The following HEG1 variants were observed in gnomAD, a reference collection of about 807,000 sequenced individuals.
The protein encoded by HEG1 is heart development protein with EGF like domains 1.
In HEG1, 56 loss-of-function variants were observed where a neutral mutation model predicts 125.6. The observed-to-expected ratio is 0.45, with a 90% CI of 0.36 to 0.56. HEG1 has a LOEUF of 0.56. Among genes scored for constraint, HEG1 ranks in the 20% least tolerant of loss-of-function variants. The probability of loss-of-function intolerance (pLI) is 0.00; values close to 1 mark genes in which losing one functional copy is unlikely to be tolerated. For missense variants in HEG1, 1,523 were observed against 1,670.0 expected, an observed-to-expected ratio of 0.91 and a Z score of 1.53; for synonymous variants, 644 against 668.5, an observed-to-expected ratio of 0.96 and a Z score of 0.57.
chr3:124,979,761 G>A (rs1293901016), intron 14 of HEG1, among the ~76,000 whole-genome samples: 5 of 152,098 alleles, frequency 3.3e-5, no homozygotes, highest in Admixed American at 6.6e-5. Flanking sequence ...GTGAAACCCC[G>A]TTTCTACTAA....
chr3:125,038,861 A>C (rs1487588815), intron 1 of HEG1, among the ~76,000 whole-genome samples: 1 of 152,170 alleles, frequency 6.6e-6, no homozygotes, highest in African/African-American at 2.4e-5. Context: ...GGGCCCAATG[A>C]AGTCAGGAGT....
intron 1 of HEG1, among the ~76,000 whole-genome samples, chr3:125,050,501 C>A (rs980797334): frequency 6.6e-6 from 1 of 152,196 alleles, no homozygotes; most frequent in Non-Finnish European, 1.5e-5. Context: ...TAAATCAACT[C>A]CCCCCTTTCC....
intron 4 of HEG1, 50 bp from the exon 5 acceptor site, chr3:125,019,647 T>G: frequency 1.0e-4 from 147 of 1,415,032 alleles, no homozygotes; most frequent in Non-Finnish European, 1.3e-4. Context: ...ATGAAAGAGA[T>G]CCCTTGGCAA....
intron 1 of HEG1, among the ~76,000 whole-genome samples, chr3:125,034,025 AG>A (rs1465000668): frequency 4.6e-5 from 7 of 151,848 alleles, no homozygotes; most frequent in Admixed American, 1.3e-4. Flanking sequence ...GGTGCCAAAA[AG>A]GTTGGGGACC....
At chr3:125,041,253 C>A (rs562244001) in intron 1 of HEG1, among the ~76,000 whole-genome samples, 45 of 152,306 alleles carry the variant, frequency 3.0e-4, no homozygotes, top group African/African-American at 1.0e-3. Context: ...TCTCTGGTGC[C>A]CCCATCCCTC....
rs748177137 is a variant in HEG1, at chr3:125,013,157, C to T, written c.2422G>A (p.Ala808Thr). 3.7e-5 allele frequency: 60 copies of T among 1,613,988 alleles called. No homozygotes were observed. In the South Asian group the frequency reaches 6.3e-4, roughly 17 times the overall value. ...LVSLPTESTKAVTTNSPLPPS... is the reference protein window; with the variant it reads ...LVSLPTESTKTVTTNSPLPPS... Reference sequence around the variant, plus strand: ...GGCAAAGGAGAGTTTGTTGTTACAGCTTTGGTGGACTCTGTGGGCAGAGAC... The same window carrying T: ...GGCAAAGGAGAGTTTGTTGTTACAGTTTTGGTGGACTCTGTGGGCAGAGAC... The change falls in exon 6 of 17, where the codon GCT (alanine) becomes ACT (threonine). Residue 808 changes from alanine to threonine, a missense_variant. Transcript: ENST00000311127.
chr3:125,007,861 G>A (rs4346591), intron 8 of HEG1, among the ~76,000 whole-genome samples: 35,967 of 151,908 alleles, frequency 0.24, 4,364 homozygotes, highest in East Asian at 0.35. Flanking sequence ...ATCTTAGTGC[G>A]TGGCTAAATA....
At chr3:124,975,482 C>T (rs1243609020) in intron 15 of HEG1, among the ~76,000 whole-genome samples, 28 of 152,292 alleles carry the variant, frequency 1.8e-4, no homozygotes, top group South Asian at 1.5e-3. Flanking sequence ...TTCTCTACTG[C>T]AAAAATATTT....
chr3:124,982,333 T>A (rs530613308), intron 14 of HEG1, among the ~76,000 whole-genome samples: 65 of 152,368 alleles, frequency 4.3e-4, no homozygotes, highest in African/African-American at 1.5e-3. Context: ...GATTTTAGAT[T>A]TATGATGACG....
chr3:125,008,433 A>T (rs1937102946), intron 8 of HEG1, among the ~76,000 whole-genome samples: 2 of 152,212 alleles, frequency 1.3e-5, no homozygotes, highest in Non-Finnish European at 2.9e-5. Context: ...TTGTGTGTTA[A>T]GTGTCACACT....
chr3:125,034,383 AAAT>A (rs1306989473), intron 1 of HEG1, among the ~76,000 whole-genome samples: 3 of 152,174 alleles, frequency 2.0e-5, no homozygotes, highest in African/African-American at 7.2e-5. Context: ...AAGAGACTAT[AAAT>A]AATAACCCAA....
chr3:124,973,135 T>C (rs1936475538), intron 16 of HEG1, among the ~76,000 whole-genome samples: 1 of 151,956 alleles, frequency 6.6e-6, no homozygotes, highest in South Asian at 2.1e-4. Flanking sequence ...AATCCTCCCA[T>C]CTTAGCCTCT....
Position 125,019,590 on chromosome 3 carries a change from T to C in HEG1, c.1260A>G (p.Gly420=), listed in dbSNP as rs1446880231. 3 of 1,603,092 alleles carry C rather than the reference T, an allele frequency of 1.9e-6. No homozygotes were observed. In the African/African-American group the frequency reaches 4.0e-5, roughly 21 times the overall value. The part of the protein sequence containing the change: ...LRWQNDSPTF[G]EHQLASSSEV... Reference sequence around the variant, plus strand: ...CAGAGCTGCTGGCAAGCTGATGTTCTCCAAAGGCTGTAAGGTAATATAGGA... The same window carrying C: ...CAGAGCTGCTGGCAAGCTGATGTTCCCCAAAGGCTGTAAGGTAATATAGGA... Residue 420 remains glycine (G), a synonymous_variant, in exon 5 of 17, where the codon GGA becomes GGG. Coordinates refer to ENST00000311127, the MANE Select transcript of HEG1 (RefSeq NM_020733.2).
chr3:125,051,873 G>A (rs762207093), intron 1 of HEG1, among the ~76,000 whole-genome samples: 84 of 152,170 alleles, frequency 5.5e-4, no homozygotes, highest in Non-Finnish European at 1.1e-3. Flanking sequence ...AGCCAGCTGG[G>A]CGGGGCTGCT....
At position 125,055,706 on chromosome 3, in the gene HEG1, C is replaced by A. The variant is rs888589263; in HGVS notation, c.185G>T (p.Arg62Leu). The change falls in exon 1 of 17, where the codon CGC becomes CTC. Residue 62 changes from arginine to leucine, a missense_variant. Arg to Leu is a moderately radical substitution (Grantham distance 102, BLOSUM62 -2). Transcript: ENST00000311127. The stretch of plus-strand genomic sequence containing the variant: ...CCGGGGCGGCGTGGGCGGCGGCTCG[C>A]GCTCCGGGCGGCGCTCCAGCTGCAG... ...LELQLERRPE[R>L]EPPPTPPRER... is the part of the protein sequence containing the mutation. 9.3e-7 allele frequency: 1 copy of A among 1,076,668 alleles called. No individual in the cohort carries two copies. Among genetic ancestry groups the A allele is most frequent in the African/African-American group, 1.7e-5 (1 of 59,086 alleles). 66.7% of individuals were successfully genotyped at this position (1,076,668 alleles called of 1,614,324 possible). A position where few individuals can be genotyped will look rare whatever the true frequency, so the allele number is the denominator to read the frequency against.
intron 14 of HEG1, among the ~76,000 whole-genome samples, chr3:124,984,674 C>T (rs963990356): frequency 1.3e-5 from 2 of 151,792 alleles, no homozygotes; most frequent in Admixed American, 1.3e-4. Context: ...TAGGAGAATC[C>T]CTTGAACCCG....
intron 12 of HEG1, among the ~76,000 whole-genome samples, chr3:124,993,878 T>C (rs993984714): frequency 6.6e-6 from 1 of 152,168 alleles, no homozygotes; most frequent in Non-Finnish European, 1.5e-5. Flanking sequence ...CCTGATGTCA[T>C]GATATTTCTC....
At position 125,042,361 on chromosome 3, in the gene HEG1, G is replaced by A. The variant is rs1937600000; in HGVS notation, c.317-12873C>T. Among the ~76,000 whole-genome samples, 3 of 152,190 alleles carry A rather than the reference G, an allele frequency of 2.0e-5. No homozygotes were observed. In the South Asian group the frequency reaches 6.2e-4, roughly 32 times the overall value. Reference sequence around the variant, plus strand: ...AAGAATCACTTGAACCTGGGAGGCGGAGGTTTCAGTGAGCCGAGATCATGC... The same window carrying A: ...AAGAATCACTTGAACCTGGGAGGCGAAGGTTTCAGTGAGCCGAGATCATGC... On this transcript the variant is annotated intron_variant, in intron 1 of 16. Transcript: ENST00000311127.
At chr3:125,037,393 C>T (rs1937558374) in intron 1 of HEG1, among the ~76,000 whole-genome samples, 1 of 152,172 alleles carries the variant, frequency 6.6e-6, no homozygotes, top group African/African-American at 2.4e-5. Context: ...AAAGTTGGCT[C>T]ATGCAACTTG....
Sources: allele counts gnomAD v4.1 joint callset (sites outside exome capture counted in the v4.1 genomes callset), GRCh38; gene constraint gnomAD v4.1.1; transcripts MANE v1.5; gene names NCBI Gene and HGNC (gene_info 2026-07-23, HGNC 2026-07-21).